The following HS2ST1 variants were observed in gnomAD, a reference collection of about 807,000 sequenced individuals.
HS2ST1 encodes 2-O-sulfotransferase.
In HS2ST1, 18 loss-of-function variants were observed where a neutral mutation model predicts 42.9. The observed-to-expected ratio is 0.42, with a 90% confidence interval of 0.29 to 0.62. The LOEUF is 0.62. Ranked by LOEUF, HS2ST1 falls within the 20% of genes least tolerant of loss-of-function variation. The pLI is 0.21. For missense variants in HS2ST1, 334 were observed against 433.8 expected (o/e 0.77, Z 2.04); for synonymous variants, 146 against 152.9 (o/e 0.95, Z 0.33).
chr1:87,083,984 T>C (rs547708191), intron 2 of HS2ST1, among the ~76,000 whole-genome samples: 2 of 152,330 alleles, frequency 1.3e-5, no homozygotes, highest in African/African-American at 4.8e-5. Context: ...GAATCATCTT[T>C]CACTCTTTTG....
At chr1:86,967,676 C>T (rs1648087572) in intron 1 of HS2ST1, among the ~76,000 whole-genome samples, 1 of 152,170 alleles carries the variant, frequency 6.6e-6, no homozygotes, top group African/African-American at 2.4e-5. Context: ...ATATATACCA[C>T]ATTTTGTTTA....
chr1:86,919,254 T>G (rs1460778583), intron 1 of HS2ST1, among the ~76,000 whole-genome samples: 1 of 152,126 alleles, frequency 6.6e-6, no homozygotes, highest in East Asian at 1.9e-4. Flanking sequence ...CTCTTATTTG[T>G]TTTTGTCCAA....
At chr1:86,929,862 G>T (rs1453947477) in intron 1 of HS2ST1, among the ~76,000 whole-genome samples, 1 of 151,692 alleles carries the variant, frequency 6.6e-6, no homozygotes. Flanking sequence ...TTTAAATTAG[G>T]AAAGTTCAGT....
At chr1:86,944,909 CA>C (rs1053460092) in intron 1 of HS2ST1, among the ~76,000 whole-genome samples, 2 of 151,636 alleles carry the variant, frequency 1.3e-5, no homozygotes, top group African/African-American at 4.9e-5. Context: ...GTTTTTACCC[CA>C]CTTCCATTGT....
At chr1:86,937,482 T>C (rs1333678695) in intron 1 of HS2ST1, among the ~76,000 whole-genome samples, 2 of 152,222 alleles carry the variant, frequency 1.3e-5, no homozygotes, top group East Asian at 1.9e-4. Flanking sequence ...GTGATAACTT[T>C]AAGATGATGT....
rs376134690 is a variant in HS2ST1, at chr1:87,012,250, G to A, written c.125-60684G>A. 1.3e-3 allele frequency among the ~76,000 whole-genome samples: 202 copies of A among 152,166 alleles called. 1 individual carries two copies. Among genetic ancestry groups the A allele is most frequent in the African/African-American group, 4.6e-3 (190 of 41,498 alleles). On this transcript the variant is annotated intron_variant, in intron 1 of 6. Transcript: ENST00000370550. ...TCACACTGCTAATAAAGACATACCC[G>A]AGACTGGTAATTTATAAAGGAAAGA...
intron 1 of HS2ST1, among the ~76,000 whole-genome samples, chr1:87,064,755 G>A (rs139356642): frequency 5.5e-4 from 83 of 152,182 alleles, no homozygotes; most frequent in African/African-American, 1.9e-3. Context: ...CAAACTCCTG[G>A]GCTCAGGCAA....
At chr1:86,974,268 G>C (rs1648322345) in intron 1 of HS2ST1, among the ~76,000 whole-genome samples, 1 of 152,058 alleles carries the variant, frequency 6.6e-6, no homozygotes, top group Admixed American at 6.6e-5. Flanking sequence ...ACTGGAGATT[G>C]AATTAATAAT....
At chr1:86,993,689 AAAAG>A (rs1557508170) in intron 1 of HS2ST1, among the ~76,000 whole-genome samples, 1 of 152,202 alleles carries the variant, frequency 6.6e-6, no homozygotes, top group Non-Finnish European at 1.5e-5. Context: ...TAACAAAAGA[AAAAG>A]AAGTTTATTA....
At chr1:86,978,656 C>G (rs943907994) in intron 1 of HS2ST1, among the ~76,000 whole-genome samples, 1 of 151,960 alleles carries the variant, frequency 6.6e-6, no homozygotes, top group East Asian at 1.9e-4. Flanking sequence ...AAGATCTGAA[C>G]ATTGAGAATA....
At chr1:87,037,466 TA>T (rs1650408066) in intron 1 of HS2ST1, among the ~76,000 whole-genome samples, 1 of 151,814 alleles carries the variant, frequency 6.6e-6, no homozygotes, top group Admixed American at 6.6e-5. Flanking sequence ...TTTTAGAAAT[TA>T]AAAGATTACA....
At chr1:86,985,769 A>T (rs1192715288) in intron 1 of HS2ST1, among the ~76,000 whole-genome samples, 1 of 151,870 alleles carries the variant, frequency 6.6e-6, no homozygotes, top group Non-Finnish European at 1.5e-5. Flanking sequence ...AAAGGCCAAA[A>T]CTTCTAAACC....
chr1:86,948,233 T>G (rs983666204), intron 1 of HS2ST1, among the ~76,000 whole-genome samples: 1 of 152,228 alleles, frequency 6.6e-6, no homozygotes, highest in African/African-American at 2.4e-5. Context: ...AGAAGTATAT[T>G]TTTTGAGGAG....
chr1:87,083,233 CT>C (rs1433256736), intron 2 of HS2ST1, among the ~76,000 whole-genome samples: 4 of 152,144 alleles, frequency 2.6e-5, no homozygotes, highest in Non-Finnish European at 5.9e-5. Flanking sequence ...GTGACTACCC[CT>C]ATTCTATGAT....
At chr1:87,054,059 C>T (rs1650898283) in intron 1 of HS2ST1, among the ~76,000 whole-genome samples, 1 of 152,088 alleles carries the variant, frequency 6.6e-6, no homozygotes, top group South Asian at 2.1e-4. Context: ...CATATTACTA[C>T]CTGGATGTTC....
intron 2 of HS2ST1, among the ~76,000 whole-genome samples, chr1:87,075,021 C>T (rs766005265): frequency 3.3e-5 from 5 of 151,878 alleles, no homozygotes; most frequent in African/African-American, 1.2e-4. Context: ...ATCTAGTAAG[C>T]TTCATCTAAA....
At chr1:87,001,228 C>G (rs1557510923) in intron 1 of HS2ST1, among the ~76,000 whole-genome samples, 1 of 152,120 alleles carries the variant, frequency 6.6e-6, no homozygotes, top group Non-Finnish European at 1.5e-5. Flanking sequence ...TGTACACAGG[C>G]TACTCCTCAT....
At chr1:86,953,888 A>T (rs1324846434) in intron 1 of HS2ST1, among the ~76,000 whole-genome samples, 1 of 152,094 alleles carries the variant, frequency 6.6e-6, no homozygotes, top group Non-Finnish European at 1.5e-5. Flanking sequence ...AGGAATAGGG[A>T]AGCCTGAGCA....
chr1:86,989,091 G>C lies in HS2ST1; in HGVS notation c.124+73931G>C, dbSNP rs917488461. ...GGAGGCAGACACCCTTAAAAATGGA[G>C]ATTTCCTTTATAGATGTAGATTTCT... On this transcript the variant is annotated intron_variant, in intron 1 of 6. Coordinates refer to ENST00000370550, the MANE Select transcript of HS2ST1 (RefSeq NM_012262.4). 3.3e-5 allele frequency among the ~76,000 whole-genome samples: 5 copies of C among 152,270 alleles called. 1 individual carries two copies. In the Middle Eastern group the frequency reaches 0.017, roughly 518 times the overall value.
Sources: gnomAD v4.1 joint callset for allele counts (sites outside exome capture counted in the v4.1 genomes callset) on GRCh38, gnomAD v4.1.1 for gene constraint, MANE v1.5 for transcripts, NCBI Gene and HGNC (gene_info 2026-07-23, HGNC 2026-07-21) for gene names.